Variants in EIF2B3 observed in about 807,000 individuals in gnomAD.
EIF2B3 encodes translation initiation factor eIF2B subunit gamma.
A neutral mutation model predicts 54.1 loss-of-function variants in EIF2B3; 20 were observed. The ratio of observed to expected loss-of-function variants is 0.37; its 90% CI spans 0.26 to 0.54. The LOEUF (loss-of-function observed/expected upper bound fraction) is 0.54, where lower values mean the gene tolerates loss of function less well. Ranked by LOEUF, EIF2B3 falls within the 20% of genes least tolerant of loss-of-function variation. The probability of loss-of-function intolerance (pLI) is 0.86; values close to 1 mark genes in which losing one functional copy is unlikely to be tolerated. For synonymous variants in EIF2B3, 153 were observed against 188.1 expected, an observed-to-expected ratio of 0.81 and a Z score of 1.52; for missense variants, 448 against 547.8, an observed-to-expected ratio of 0.82 and a Z score of 1.82.
At chr1:44,874,632 A>AT (rs747543629) in intron 10 of EIF2B3, 46 bp downstream of exon 10, 2 of 1,600,954 alleles carry the variant, frequency 1.2e-6, no homozygotes, top group Admixed American at 3.4e-5. Context: ...TTTTGAAGGC[A>AT]TTTTTCCATT....
At position 44,863,107 on chromosome 1, in the gene EIF2B3, G is replaced by C. The variant is rs1314585093; in HGVS notation, c.1203-5300C>G. 5 of 152,214 alleles carry C rather than the reference G, an allele frequency of 3.3e-5. No homozygotes were observed. In the South Asian group the frequency reaches 6.2e-4, roughly 19 times the overall value. The allele number at this position is 152,214 out of a possible 1,614,324, so 9.4% of individuals were successfully genotyped here. A position where few individuals can be genotyped will look rare whatever the true frequency, so the allele number is the denominator to read the frequency against. The stretch of plus-strand genomic sequence containing the variant: ...TGAAACTTCTCAGTAACTGAGGATG[G>C]GGAGGTTCTTTTCTTTTTTGATGAG... On this transcript the variant is annotated intron_variant, in intron 10 of 11. Transcript: ENST00000360403.
chr1:44,959,064 G>C, intron 3 of EIF2B3: 1 of 757,572 alleles, frequency 1.3e-6, no homozygotes, highest in Non-Finnish European at 2.4e-6. Flanking sequence ...GCCATCTTCA[G>C]CATCAAAAGC....
At chr1:44,951,945 G>T (rs1644166546) in intron 3 of EIF2B3, among the ~76,000 whole-genome samples, 1 of 103,292 alleles carries the variant, frequency 9.7e-6, no homozygotes, top group Non-Finnish European at 1.9e-5. Context: ...GCACCACCAT[G>T]CCTGGCTAAT....
At chr1:44,867,469 A>C (rs1654817469) in intron 10 of EIF2B3, among the ~76,000 whole-genome samples, 2 of 152,154 alleles carry the variant, frequency 1.3e-5, no homozygotes, top group African/African-American at 4.8e-5. Context: ...AGAAAGCCTC[A>C]GCAAGCTTTC....
At chr1:44,958,850 T>C in intron 3 of EIF2B3, 2 of 918,066 alleles carry the variant, frequency 2.2e-6, no homozygotes, top group Non-Finnish European at 3.6e-6. Flanking sequence ...TCTGGACATA[T>C]CAGGTACATC....
intron 3 of EIF2B3, among the ~76,000 whole-genome samples, chr1:44,964,131 CAA>C (rs36124141): frequency 3.0e-4 from 39 of 131,650 alleles, no homozygotes; most frequent in Non-Finnish European, 3.3e-4. Context: ...ATTTCTTGGC[CAA>C]AAAAAAAAAA....
At chr1:44,924,432 TCA>T (rs1006929581) in intron 5 of EIF2B3, among the ~76,000 whole-genome samples, 1 of 152,054 alleles carries the variant, frequency 6.6e-6, no homozygotes, top group Non-Finnish European at 1.5e-5. Context: ...AGACCGAGTC[TCA>T]CTCTGTCGCC....
chr1:44,854,843 C>T (rs1283828886), intron 11 of EIF2B3, among the ~76,000 whole-genome samples: 2 of 152,112 alleles, frequency 1.3e-5, no homozygotes, highest in Admixed American at 6.6e-5. Flanking sequence ...CCGCCTCAGC[C>T]TCCCAAAGTG....
At position 44,881,287 on chromosome 1, in the gene EIF2B3, A is replaced by G. The variant is rs2148905593; in HGVS notation, c.784+325T>C. Among the ~76,000 whole-genome samples, 1 of 152,328 alleles carries G rather than the reference A, an allele frequency of 6.6e-6. No individual in the cohort carries two copies. The highest frequency in any genetic ancestry group is 2.1e-4 in the South Asian group (1 of 4,832). On this transcript the variant is annotated intron_variant, in intron 7 of 11. Transcript: ENST00000360403. This position sits in a 1 kb window ranked among gnomAD's most constrained non-coding sequence, Gnocchi z 4.0. The stretch of plus-strand genomic sequence containing the variant: ...AGTTTAATCAGGAACGGGGCTGCCT[A>G]GAGCCTAGAGAACAGGGGAACTAAG...
chr1:44,913,270 CT>C (rs1176200619), intron 5 of EIF2B3, among the ~76,000 whole-genome samples: 1 of 151,972 alleles, frequency 6.6e-6, no homozygotes, highest in Non-Finnish European at 1.5e-5. Context: ...CCTCTGCTTC[CT>C]ACGTTTTTAT....
chr1:44,896,156 T>C (rs1655962909), intron 6 of EIF2B3, among the ~76,000 whole-genome samples: 1 of 152,234 alleles, frequency 6.6e-6, no homozygotes, highest in Non-Finnish European at 1.5e-5. Context: ...ATCCCATGGT[T>C]GATCTAGCAC....
chr1:44,938,893 A>G (rs967423797), intron 4 of EIF2B3, among the ~76,000 whole-genome samples: 3 of 151,994 alleles, frequency 2.0e-5, no homozygotes, highest in African/African-American at 7.2e-5. Flanking sequence ...TGAGCTCAAG[A>G]GTTCGAGGCC....
chr1:44,928,762 G>A (rs1261514968), intron 4 of EIF2B3, among the ~76,000 whole-genome samples: 2 of 152,090 alleles, frequency 1.3e-5, no homozygotes, highest in African/African-American at 2.4e-5. Flanking sequence ...TTCAAAGGCA[G>A]GCTTCTGATT....
At chr1:44,913,975 C>T (rs572140518) in intron 5 of EIF2B3, among the ~76,000 whole-genome samples, 4 of 148,584 alleles carry the variant, frequency 2.7e-5, no homozygotes, top group African/African-American at 1.0e-4. Context: ...TACAGGCACG[C>T]GTCAACATGC....
Position 44,952,140 on chromosome 1 carries a change from T to C in EIF2B3, c.295-10475A>G, listed in dbSNP as rs971891366. On this transcript the variant is annotated intron_variant, in intron 3 of 11. Transcript: ENST00000360403. ...ACTACGCCCGGCTAATTTTTTTGTA[T>C]TTTTAGTAGAGACGGGGTTTCACCG... 1.6e-4 allele frequency among the ~76,000 whole-genome samples: 22 copies of C among 137,874 alleles called. 2 individuals carry two copies. Among genetic ancestry groups the C allele is most frequent in the Non-Finnish European group, 3.5e-4 (22 of 63,320 alleles). 90.5% of individuals were successfully genotyped at this position (137,874 alleles called of 152,430 possible).
intron 11 of EIF2B3, among the ~76,000 whole-genome samples, chr1:44,856,750 C>A (rs1190282272): frequency 4.6e-5 from 7 of 151,956 alleles, no homozygotes; most frequent in Non-Finnish European, 1.0e-4. Context: ...CAGCAACTCC[C>A]CTCCCCACCT....
chr1:44,949,539 T>TA (rs1644138774), intron 3 of EIF2B3, among the ~76,000 whole-genome samples: 1 of 152,224 alleles, frequency 6.6e-6, no homozygotes. Context: ...TTTAAATGTT[T>TA]AGAAACAGTA....
intron 3 of EIF2B3, among the ~76,000 whole-genome samples, chr1:44,966,429 ACT>A (rs1318875566): frequency 2.7e-4 from 36 of 133,216 alleles, no homozygotes; most frequent in Non-Finnish European, 5.2e-4. Context: ...ACAGAGCGAG[ACT>A]CTGTCTCAAA....
intron 6 of EIF2B3, among the ~76,000 whole-genome samples, chr1:44,892,613 T>A (rs1023236036): frequency 2.0e-5 from 3 of 152,026 alleles, no homozygotes; most frequent in African/African-American, 7.2e-5. Flanking sequence ...CTTTCCTAAT[T>A]TGGAAATGTA....
Sources: allele counts gnomAD v4.1 joint callset (sites outside exome capture counted in the v4.1 genomes callset), GRCh38; gene constraint gnomAD v4.1.1; non-coding constraint Gnocchi (gnomAD v3.1); transcripts MANE v1.5; gene names NCBI Gene and HGNC (gene_info 2026-07-23, HGNC 2026-07-21).